PWWP2A: variants seen among roughly 807,000 people sequenced by gnomAD.
PWWP2A encodes PWWP domain-containing protein 2A.
Under a neutral mutation model 48.5 loss-of-function variants are expected in PWWP2A, and 18 were observed. The ratio of observed to expected loss-of-function variants is 0.37; its 90% CI spans 0.26 to 0.55. PWWP2A has a LOEUF of 0.55. Among genes scored for constraint, PWWP2A ranks in the 20% least tolerant of loss-of-function variants. PWWP2A has a pLI of 0.81. For missense variants in PWWP2A, 867 were observed against 976.4 expected (o/e 0.89, Z 1.49); for synonymous variants, 396 against 387.7 (o/e 1.02, Z -0.25).
the PWWP2A span, among the ~76,000 whole-genome samples, chr5:160,056,097 G>T: frequency 9.8e-5 from 15 of 152,306 alleles, no homozygotes; most frequent in Middle Eastern, 3.4e-3. Context: ...TTAACCAAGA[G>T]CTGCCAGGTG....
downstream of PWWP2A, among the ~76,000 whole-genome samples, chr5:160,058,572 G>A (rs555536179): frequency 1.2e-4 from 19 of 152,016 alleles, no homozygotes; most frequent in East Asian, 5.8e-4. Context: ...CACCAAGCCC[G>A]GCTAATTTTT....
chr5:160,079,118 C>A (rs1581155105), intron 3 of PWWP2A, among the ~76,000 whole-genome samples: 2 of 151,420 alleles, frequency 1.3e-5, no homozygotes, highest in East Asian at 3.9e-4. Flanking sequence ...AAATGCATAC[C>A]AAAAATGGTA....
chr5:160,080,609 G>C, intron 3 of PWWP2A: 2 of 1,474,780 alleles, frequency 1.4e-6, no homozygotes, highest in Non-Finnish European at 1.8e-6. Context: ...GTGATGACAT[G>C]ATGCCCTCTT....
At position 160,119,277 on chromosome 5, in the gene PWWP2A, C is replaced by G. The variant is rs1243809071; in HGVS notation, c.112G>C (p.Asp38His). ...TCAGTGGCCGTGACCGGGAGGGGGT[C>G]AGTGCCGGCCTCACTGCCGGGGATG... is the stretch of plus-strand genomic sequence containing the variant. ...EPIPGSEAGTDPLPVTATEAS... is the reference protein window; with the variant it reads ...EPIPGSEAGTHPLPVTATEAS... The change falls in exon 1 of 2, where the codon GAC becomes CAC. Residue 38 changes from aspartate to histidine, a missense_variant. Physicochemically the swap from Asp to His is moderately conservative, Grantham distance 81 (BLOSUM62 -1). Transcript: ENST00000307063. 7.2e-7 allele frequency: 1 copy of G among 1,382,948 alleles called. No individual in the cohort carries two copies. The highest frequency in any genetic ancestry group is 1.5e-5 in the African/African-American group (1 of 65,664). The allele number at this position is 1,382,948 out of a possible 1,614,324, so 85.7% of individuals were successfully genotyped here.
chr5:160,053,917 C>G, the PWWP2A span, among the ~76,000 whole-genome samples: 1 of 152,168 alleles, frequency 6.6e-6, no homozygotes, highest in Non-Finnish European at 1.5e-5. Context: ...ATTTGCTTTG[C>G]CCTTTCTAGC....
the PWWP2A span, among the ~76,000 whole-genome samples, chr5:160,044,329 C>T: frequency 6.6e-6 from 1 of 152,146 alleles, no homozygotes; most frequent in Non-Finnish European, 1.5e-5. Context: ...AGTGAAAAAG[C>T]AAGTTTATTA....
downstream of PWWP2A, among the ~76,000 whole-genome samples, chr5:160,058,409 CTTTTTTTTTT>C (rs1171929571): frequency 7.7e-6 from 1 of 129,776 alleles, no homozygotes; most frequent in Admixed American, 7.9e-5. Context: ...AAGTGTATTT[CTTTTTTTTTT>C]TTTTTTTTTG....
In PWWP2A at chr5:160,093,990, G is replaced by C. The variant is rs1229436840; in HGVS notation, c.660C>G (p.Leu220=). ...TCCCTTCTTGGAATGTATTACTTTG[G>C]AGCGGCATGGCTTCTGGTTTATCCT... ...EYKDKPEAMP[L]QSNTFQEGTE... is the part of the protein sequence containing the mutation. Residue 220 remains leucine (L), a synonymous_variant, in exon 2 of 2, where the codon CTC becomes CTG. Coordinates refer to ENST00000307063, the MANE Select transcript of PWWP2A (RefSeq NM_001130864.2). The surrounding 1 kb of genome is among the most constrained non-coding windows in gnomAD (Gnocchi z 5.8). 4 of 1,613,976 alleles carry C rather than the reference G, an allele frequency of 2.5e-6. No homozygotes were observed. The highest frequency in any genetic ancestry group is 3.4e-6 in the Non-Finnish European group (4 of 1,179,878).
chr5:160,051,082 GTTTT>G, the PWWP2A span: 215 of 1,235,650 alleles, frequency 1.7e-4, no homozygotes, highest in South Asian at 3.6e-4. Flanking sequence ...AAAGGTTTTG[GTTTT>G]TTTTTTTTTT....
chr5:160,086,562 C>G (rs1014578944), downstream of PWWP2A, among the ~76,000 whole-genome samples: 5 of 151,792 alleles, frequency 3.3e-5, no homozygotes, highest in Admixed American at 3.3e-4. Flanking sequence ...TTTAATTCAC[C>G]TTTAAACCAA....
exon 4 of PWWP2A, chr5:160,076,879 A>G (rs1381273747): frequency 6.6e-6 from 1 of 152,156 alleles, no homozygotes; most frequent in Non-Finnish European, 1.5e-5. Context: ...GTAGTAAGTA[A>G]TCAATATGGA....
intron 2 of PWWP2A, among the ~76,000 whole-genome samples, chr5:160,068,161 A>G (rs1323097667): frequency 1.3e-5 from 2 of 152,228 alleles, no homozygotes; most frequent in East Asian, 1.9e-4. Flanking sequence ...AGCCTAGGTG[A>G]CAGAGCAAGC....
At chr5:160,081,848 A>G (rs1003162454) in intron 2 of PWWP2A, among the ~76,000 whole-genome samples, 2 of 152,146 alleles carry the variant, frequency 1.3e-5, no homozygotes, top group African/African-American at 4.8e-5. Flanking sequence ...AGTGTAGTCA[A>G]CTCTGAGATC....
At position 160,077,988 on chromosome 5, in the gene PWWP2A, G is replaced by T; in HGVS notation, c.*167C>A. 8.7e-6 allele frequency: 5 copies of T among 572,910 alleles called. No homozygotes were observed. Among genetic ancestry groups the T allele is most frequent in the South Asian group, 5.2e-5 (2 of 38,532 alleles). The allele number at this position is 572,910 out of a possible 1,614,324, so 35.5% of individuals were successfully genotyped here. A position where few individuals can be genotyped will look rare whatever the true frequency, so the allele number is the denominator to read the frequency against. Reference sequence around the variant, plus strand: ...AATATTCCCTAATACCTTTTCTTCGGTTTAAGACAGCACAATTTGCAAGTG... The same window carrying T: ...AATATTCCCTAATACCTTTTCTTCGTTTTAAGACAGCACAATTTGCAAGTG... On this transcript the variant is annotated 3_prime_UTR_variant, in exon 4 of 4. Transcript: ENST00000456329. This position sits in a 1 kb window ranked among gnomAD's most constrained non-coding sequence, Gnocchi z 4.2.
At chr5:160,071,978 C>T (rs1400161681), downstream of PWWP2A, among the ~76,000 whole-genome samples, 1 of 152,168 alleles carries the variant, frequency 6.6e-6, no homozygotes, top group Non-Finnish European at 1.5e-5. Context: ...CAATCTTAGT[C>T]AAATCTCCTT....
intron 1 of PWWP2A, among the ~76,000 whole-genome samples, chr5:160,097,293 C>T (rs557340006): frequency 6.4e-4 from 89 of 139,792 alleles, no homozygotes; most frequent in African/African-American, 2.1e-3. Context: ...GCCATGTTCG[C>T]GCTATCGCAC....
intron 1 of PWWP2A, chr5:160,116,825 G>A (rs1758190233): frequency 1.0e-6 from 1 of 979,742 alleles, no homozygotes; most frequent in Non-Finnish European, 1.2e-6. Flanking sequence ...GGGCGAGGTG[G>A]CTCATGCCTG....
intron 1 of PWWP2A, chr5:160,108,730 AT>A (rs1426270225): frequency 2.2e-6 from 1 of 462,390 alleles, no homozygotes; most frequent in African/African-American, 2.0e-5. Context: ...GAAATCATCA[AT>A]TATTTTTAAT....
exon 6 of PWWP2A, chr5:160,061,827 G>T (rs915063037): frequency 6.6e-6 from 1 of 152,252 alleles, no homozygotes; most frequent in Non-Finnish European, 1.5e-5. Flanking sequence ...TTTACTGGGG[G>T]AAACACCTGC....
Sources: gnomAD v4.1 joint callset for allele counts (sites outside exome capture counted in the v4.1 genomes callset) on GRCh38, gnomAD v4.1.1 for gene constraint, Gnocchi (gnomAD v3.1) non-coding constraint, MANE v1.5 for transcripts, NCBI Gene and HGNC (gene_info 2026-07-23, HGNC 2026-07-21) for gene names.